PCDH7: variants seen among roughly 807,000 people sequenced by gnomAD.
PCDH7 encodes protocadherin 7.
Under a neutral mutation model 58.9 loss-of-function variants are expected in PCDH7, and 17 were observed. That is an observed-to-expected ratio of 0.29 (90% CI 0.20 to 0.43). The LOEUF (loss-of-function observed/expected upper bound fraction) is 0.43, where lower values mean the gene tolerates loss of function less well. Among genes scored for constraint, PCDH7 ranks in the 20% least tolerant of loss-of-function variants. PCDH7 has a pLI of 1.00. For missense variants in PCDH7, 1,274 were observed against 1,441.0 expected, an observed-to-expected ratio of 0.88 and a Z score of 1.88; for synonymous variants, 664 against 616.4, an observed-to-expected ratio of 1.08 and a Z score of -1.14.
chr4:30,791,458 A>G (rs1724112574), intron 1 of PCDH7, among the ~76,000 whole-genome samples: 1 of 152,184 alleles, frequency 6.6e-6, no homozygotes, highest in Non-Finnish European at 1.5e-5. Flanking sequence ...AATAAATGCC[A>G]GCAATTATTA....
chr4:30,801,815 T>A (rs2109306674), intron 1 of PCDH7, among the ~76,000 whole-genome samples: 1 of 152,264 alleles, frequency 6.6e-6, no homozygotes, highest in African/African-American at 2.4e-5. Flanking sequence ...AGGTAAACTG[T>A]CTCTTTCAAA....
chr4:30,834,981 C>T (rs1730291917), intron 1 of PCDH7, among the ~76,000 whole-genome samples: 1 of 151,494 alleles, frequency 6.6e-6, no homozygotes, highest in Admixed American at 6.6e-5. Context: ...AATGTAAATA[C>T]ATGTGTATGC....
chr4:30,955,955 C>T (rs996794595), intron 3 of PCDH7, among the ~76,000 whole-genome samples: 2 of 150,158 alleles, frequency 1.3e-5, no homozygotes, highest in African/African-American at 2.5e-5. Flanking sequence ...GAGGCCGAGG[C>T]GGGTGGATCA....
chr4:31,125,080 T>C (rs1471320276), intron 3 of PCDH7, among the ~76,000 whole-genome samples: 1 of 152,224 alleles, frequency 6.6e-6, no homozygotes, highest in Non-Finnish European at 1.5e-5. Context: ...ACCTGTTTTT[T>C]TTAGCTGAAT....
At chr4:30,942,743 G>A (rs749665197) in intron 2 of PCDH7, among the ~76,000 whole-genome samples, 25 of 152,030 alleles carry the variant, frequency 1.6e-4, no homozygotes, top group Middle Eastern at 3.4e-3. Context: ...GGTGATACAC[G>A]TTGAAGTATG....
chr4:30,937,979 C>T (rs1436472842), intron 2 of PCDH7, among the ~76,000 whole-genome samples: 3 of 151,344 alleles, frequency 2.0e-5, no homozygotes, highest in Non-Finnish European at 4.4e-5. Flanking sequence ...CAATTCTGCT[C>T]CTTTGTAATT....
At chr4:30,832,032 T>C (rs1216852347) in intron 1 of PCDH7, among the ~76,000 whole-genome samples, 1 of 152,168 alleles carries the variant, frequency 6.6e-6, no homozygotes, top group African/African-American at 2.4e-5. Flanking sequence ...AAGTAACACT[T>C]TAGAAAAGCA....
chr4:30,851,768 T>A (rs537469595), intron 1 of PCDH7, among the ~76,000 whole-genome samples: 18 of 152,202 alleles, frequency 1.2e-4, no homozygotes, highest in African/African-American at 4.3e-4. Context: ...GTAATGGTTA[T>A]CATTAATTTT....
chr4:30,962,110 T>A (rs532362232), intron 3 of PCDH7, among the ~76,000 whole-genome samples: 4 of 152,342 alleles, frequency 2.6e-5, no homozygotes, highest in Admixed American at 1.3e-4. Flanking sequence ...AGTGCATTTA[T>A]TTATGAATGA....
intron 3 of PCDH7, among the ~76,000 whole-genome samples, chr4:31,120,440 TC>T (rs1443774099): frequency 2.6e-5 from 3 of 116,894 alleles, no homozygotes; most frequent in African/African-American, 4.4e-5. Context: ...TCTATTTTTT[TC>T]TTTTTTTTTT....
intron 3 of PCDH7, among the ~76,000 whole-genome samples, chr4:31,106,268 G>T (rs557674830): frequency 2.6e-5 from 4 of 152,162 alleles, no homozygotes; most frequent in African/African-American, 4.8e-5. Flanking sequence ...CTTTCTTGAG[G>T]TGAAACCTTA....
Position 30,865,063 on chromosome 4 carries a change from A to T in PCDH7, c.71-55090A>T, listed in dbSNP as rs1221622233. Among the ~76,000 whole-genome samples the T allele has an allele frequency of 5.3e-5, 8 of 152,134 alleles. No individual in the cohort carries two copies. In the South Asian group the frequency reaches 1.2e-3, roughly 24 times the overall value. ...GGAGCTGATAAACGGTCTAACACTG[A>T]TCATACCCTACTAGTTGCTTAGTGC... On this transcript the variant is annotated intron_variant, in intron 1 of 3. Transcript: ENST00000509759.
At chr4:31,074,416 C>T (rs747407601) in intron 3 of PCDH7, among the ~76,000 whole-genome samples, 1 of 151,846 alleles carries the variant, frequency 6.6e-6, no homozygotes, top group Non-Finnish European at 1.5e-5. Context: ...CGAGTACAAA[C>T]TATATTTGGG....
intron 3 of PCDH7, among the ~76,000 whole-genome samples, chr4:30,985,653 T>TAGC (rs1289263935): frequency 6.6e-6 from 1 of 152,210 alleles, no homozygotes; most frequent in African/African-American, 2.4e-5. Context: ...ATGAAGCATG[T>TAGC]AGCATAGTAC....
At chr4:30,941,161 G>A (rs1413411784) in intron 2 of PCDH7, among the ~76,000 whole-genome samples, 1 of 151,886 alleles carries the variant, frequency 6.6e-6, no homozygotes, top group East Asian at 1.9e-4. Context: ...AGAACAACTT[G>A]TATTTTAAAA....
intron 3 of PCDH7, among the ~76,000 whole-genome samples, chr4:31,062,565 G>T (rs1757772575): frequency 6.6e-6 from 1 of 151,648 alleles, no homozygotes; most frequent in African/African-American, 2.4e-5. Context: ...GCCTCTCAGT[G>T]CCAAATCAAC....
intron 1 of PCDH7, among the ~76,000 whole-genome samples, chr4:30,902,087 C>T (rs367987942): frequency 3.0e-4 from 45 of 152,290 alleles, no homozygotes; most frequent in Admixed American, 6.5e-4. Context: ...ACTACTGTGA[C>T]AAACGATAAG....
chr4:31,097,271 A>G (rs867912823), intron 3 of PCDH7, among the ~76,000 whole-genome samples: 3 of 151,804 alleles, frequency 2.0e-5, no homozygotes, highest in African/African-American at 7.3e-5. Context: ...AGGCTGGCCA[A>G]CATGGTGAAA....
At chr4:30,880,285 GAA>G (rs71651563) in intron 1 of PCDH7, among the ~76,000 whole-genome samples, 6 of 120,084 alleles carry the variant, frequency 5.0e-5, no homozygotes, top group South Asian at 2.6e-4. Flanking sequence ...AGCTACAAAA[GAA>G]AAAAAAAAAA....
Sources: allele counts gnomAD v4.1 joint callset (sites outside exome capture counted in the v4.1 genomes callset), GRCh38; gene constraint gnomAD v4.1.1; transcripts MANE v1.5; gene names NCBI Gene and HGNC (gene_info 2026-07-23, HGNC 2026-07-21).